The following NRCAM variants were observed in gnomAD, a reference collection of about 807,000 sequenced individuals.
The protein encoded by NRCAM is NgCAM-related cell adhesion molecule.
In NRCAM, 83 loss-of-function variants were observed where a neutral mutation model predicts 156.5. That is an observed-to-expected ratio of 0.53 (90% CI 0.44 to 0.64). The LOEUF is 0.64. Among genes scored for constraint, NRCAM ranks in the 30% least tolerant of loss-of-function variants. NRCAM has a pLI of 0.00. For synonymous variants in NRCAM, 538 were observed against 563.9 expected (o/e 0.95, Z 0.65); for missense variants, 1,417 against 1,597.3 (o/e 0.89, Z 1.92).
rs1554480396 is a variant in NRCAM, at chr7:108,299,159, A to AAAC, written c.-107+13505_-107+13506insGTT. ...GAAAGAAAAGAAAAGTAAAAAAAAA[A>AAAC]AAAACCCAAAACACTGGGTGAGGAC... On this transcript the variant is annotated intron_variant, in intron 3 of 32. Coordinates refer to ENST00000379028, the MANE Select transcript of NRCAM (RefSeq NM_001037132.4). Among the ~76,000 whole-genome samples, 9 of 146,698 alleles carry AAAC rather than the reference A, an allele frequency of 6.1e-5. No homozygotes were observed. In the East Asian group the frequency reaches 1.8e-3, roughly 29 times the overall value.
rs779683524 is a variant in NRCAM, at chr7:108,209,402, T to C, written c.1075+19A>G. 6 of 1,519,812 alleles carry C rather than the reference T, an allele frequency of 3.9e-6. No individual in the cohort carries two copies. The highest frequency in any genetic ancestry group is 2.4e-5 in the East Asian group (1 of 41,944). The allele number at this position is 1,519,812 out of a possible 1,614,324, so 94.1% of individuals were successfully genotyped here. A position where few individuals can be genotyped will look rare whatever the true frequency, so the allele number is the denominator to read the frequency against. On this transcript the variant is annotated intron_variant, in intron 12 of 32. Transcript: ENST00000379028. ...GGGTCTCTCATGAAGGCAAGAAGAA[T>C]GGATTTTAAACAATATACCTTTAAC...
chr7:108,347,939 C>T (rs73420212), intron 2 of NRCAM, among the ~76,000 whole-genome samples: 3,332 of 152,244 alleles, frequency 0.022, 115 homozygotes, highest in African/African-American at 0.074. Context: ...CACCCCCATA[C>T]TCTGTGCACA....
chr7:108,326,426 A>G (rs532174129), intron 2 of NRCAM, among the ~76,000 whole-genome samples: 1 of 152,328 alleles, frequency 6.6e-6, no homozygotes, highest in Admixed American at 6.5e-5. Flanking sequence ...CTTGAAAAGC[A>G]TTCCAATTTT....
chr7:108,167,017 T>C lies in NRCAM; in HGVS notation c.3370A>G (p.Lys1124Glu). The change falls in exon 30 of 33, where the codon AAG becomes GAG. Residue 1124 changes from lysine (K) to glutamate (E), a missense_variant. Physicochemically the swap from Lys to Glu is moderately conservative, Grantham distance 56 (BLOSUM62 1). Transcript: ENST00000379028. ...TATGCTGTTCCTGGCATTAGACCCT[T>C]TAACCCAAAGAAGCTCCGAGAACCA... ...VNGSRSFFGL[K>E]GLMPGTAYKV... 2 of 1,613,948 alleles carry C rather than the reference T, an allele frequency of 1.2e-6. No homozygotes were observed. Among genetic ancestry groups the C allele is most frequent in the African/African-American group, 2.7e-5 (2 of 75,058 alleles).
chr7:108,267,333 T>C (rs2097145427), intron 3 of NRCAM, among the ~76,000 whole-genome samples: 1 of 152,238 alleles, frequency 6.6e-6, no homozygotes, highest in African/African-American at 2.4e-5. Context: ...TTGATTTTGC[T>C]GTTGCCAGTT....
intron 1 of NRCAM, among the ~76,000 whole-genome samples, chr7:108,413,688 AG>A (rs1220177780): frequency 6.6e-6 from 1 of 152,232 alleles, no homozygotes; most frequent in Non-Finnish European, 1.5e-5. Flanking sequence ...ACAGGAATAT[AG>A]GGGGCAATTA....
chr7:108,395,914 T>C (rs1179638900), intron 2 of NRCAM, among the ~76,000 whole-genome samples: 1 of 152,206 alleles, frequency 6.6e-6, no homozygotes, highest in Non-Finnish European at 1.5e-5. Context: ...GCAGCCATCA[T>C]ACCATCTTGT....
chr7:108,148,115 A>C lies in NRCAM; in HGVS notation c.*1795T>G, dbSNP rs1308988812. 1 of 152,640 alleles carries C rather than the reference A, an allele frequency of 6.6e-6. No individual in the cohort carries two copies. The highest frequency in any genetic ancestry group is 2.4e-5 in the African/African-American group (1 of 41,446). The allele number at this position is 152,640 out of a possible 1,614,324, so 9.5% of individuals were successfully genotyped here. ...TCAAACATGCCAGGTTACTAGGCCT[A>C]CTGTGCCCCATAGGCAAAGCTCTGA... On this transcript the variant is annotated 3_prime_UTR_variant, in exon 33 of 33. Coordinates refer to ENST00000379028, the MANE Select transcript of NRCAM (RefSeq NM_001037132.4).
intron 11 of NRCAM, among the ~76,000 whole-genome samples, chr7:108,222,496 G>T (rs1018847491): frequency 1.3e-5 from 2 of 152,182 alleles, no homozygotes; most frequent in African/African-American, 4.8e-5. Context: ...CCAAAGGTTG[G>T]AGGCTGGCAG....
intron 28 of NRCAM, among the ~76,000 whole-genome samples, chr7:108,171,518 T>C (rs1211517872): frequency 2.0e-5 from 3 of 152,050 alleles, no homozygotes; most frequent in Admixed American, 2.0e-4. Context: ...CTACCAAGAC[T>C]TTACACACTG....
chr7:108,360,566 G>A (rs978543004), intron 2 of NRCAM, among the ~76,000 whole-genome samples: 10 of 152,164 alleles, frequency 6.6e-5, no homozygotes, highest in Non-Finnish European at 1.5e-4. Flanking sequence ...GAACAAAGTT[G>A]AAGAATTCAT....
At chr7:108,187,005 A>G (rs1041933178) in intron 20 of NRCAM, among the ~76,000 whole-genome samples, 2 of 152,018 alleles carry the variant, frequency 1.3e-5, no homozygotes, top group African/African-American at 4.8e-5. Context: ...TGTTTTTTTA[A>G]TATCAGAATT....
At position 108,226,197 on chromosome 7, in the gene NRCAM, T is replaced by A. The variant is rs760603198; in HGVS notation, c.721+11A>T. 6.4e-7 allele frequency: 1 copy of A among 1,570,116 alleles called. No homozygotes were observed. Among genetic ancestry groups the A allele is most frequent in the Non-Finnish European group, 8.6e-7 (1 of 1,160,876 alleles). On this transcript the variant is annotated intron_variant, in intron 9 of 32. Coordinates refer to ENST00000379028, the MANE Select transcript of NRCAM (RefSeq NM_001037132.4). ...TCATTGAAGGGGAGATTTGGGAAGCTGAACTCTTACCTGAAATCACCTTCA... is the reference window on the plus strand; with the variant it reads ...TCATTGAAGGGGAGATTTGGGAAGCAGAACTCTTACCTGAAATCACCTTCA...
chr7:108,273,365 C>T (rs1209644942), intron 3 of NRCAM, among the ~76,000 whole-genome samples: 2 of 152,126 alleles, frequency 1.3e-5, no homozygotes, highest in Non-Finnish European at 2.9e-5. Context: ...GTCCCACCAA[C>T]AGTGTAAAAG....
intron 32 of NRCAM, among the ~76,000 whole-genome samples, chr7:108,152,981 A>C (rs907882529): frequency 2.0e-5 from 3 of 152,178 alleles, no homozygotes; most frequent in Non-Finnish European, 4.4e-5. Context: ...AGCAACAGGA[A>C]GCTTGGAAGT....
Position 108,273,270 on chromosome 7 carries a change from G to T in NRCAM, c.-106-33100C>A, listed in dbSNP as rs1358998954. ...TCCTTTGGGTATACACTCAGTAATGGGATGGCTGGGTCAAATGGTATTTCT... is the reference window on the plus strand; with the variant it reads ...TCCTTTGGGTATACACTCAGTAATGTGATGGCTGGGTCAAATGGTATTTCT... On this transcript the variant is annotated intron_variant, in intron 3 of 32. Transcript: ENST00000379028. Among the ~76,000 whole-genome samples, 5 of 152,132 alleles carry T rather than the reference G, an allele frequency of 3.3e-5. No individual in the cohort carries two copies. The South Asian group carries it at 1.0e-3, about 32-fold the overall frequency.
upstream of NRCAM, chr7:108,456,602 C>CCTG (rs924517881): frequency 3.5e-4 from 53 of 152,424 alleles, 1 homozygote; most frequent in African/African-American, 1.2e-3. Context: ...CCCCTCTTGC[C>CCTG]CTGCTGCTGC....
chr7:108,263,855 C>A (rs891863521), intron 3 of NRCAM, among the ~76,000 whole-genome samples: 6 of 152,222 alleles, frequency 3.9e-5, no homozygotes, highest in Non-Finnish European at 8.8e-5. Context: ...ACTTCATTTA[C>A]CCTATTATAC....
In NRCAM at chr7:108,148,548, T is replaced by C. The variant is rs559625967; in HGVS notation, c.*1362A>G. On this transcript the variant is annotated 3_prime_UTR_variant, in exon 33 of 33. Transcript: ENST00000379028. Reference sequence around the variant, plus strand: ...GATATTGTTTATGAATACGATAGAATATATATTTACTTTTTAAACTGCAGA... The same window carrying C: ...GATATTGTTTATGAATACGATAGAACATATATTTACTTTTTAAACTGCAGA... 5.2e-5 allele frequency: 8 copies of C among 152,782 alleles called. 1 individual carries two copies. The highest frequency in any genetic ancestry group is 1.9e-4 in the African/African-American group (8 of 41,588). 9.5% of individuals were successfully genotyped at this position (152,782 alleles called of 1,614,324 possible).
Sources: gnomAD v4.1 joint callset for allele counts (sites outside exome capture counted in the v4.1 genomes callset) on GRCh38, gnomAD v4.1.1 for gene constraint, MANE v1.5 for transcripts, NCBI Gene and HGNC (gene_info 2026-07-23, HGNC 2026-07-21) for gene names.